The following MYB variants were observed in gnomAD, a reference collection of about 807,000 sequenced individuals.
MYB encodes the protein MYB proto-oncogene, transcription factor.
A neutral mutation model predicts 92.9 loss-of-function variants in MYB; 28 were observed. That is an observed-to-expected ratio of 0.30 (90% confidence interval 0.22 to 0.41). The LOEUF (loss-of-function observed/expected upper bound fraction) is 0.41. Ranked by LOEUF, MYB falls within the 10% of genes least tolerant of loss-of-function variation. The pLI, the probability that MYB is intolerant of heterozygous loss-of-function variation, is 1.00. For missense variants in MYB, 679 were observed against 929.3 expected, an observed-to-expected ratio of 0.73 and a Z score of 3.50; for synonymous variants, 295 against 329.1, an observed-to-expected ratio of 0.90 and a Z score of 1.12.
intron 15 of MYB, among the ~76,000 whole-genome samples, chr6:135,207,960 C>A (rs1232053763): frequency 6.6e-6 from 1 of 152,042 alleles, no homozygotes; most frequent in African/African-American, 2.4e-5. Flanking sequence ...CTGCTGACCT[C>A]AAGTGATCCA....
chr6:135,192,339 C>T lies in MYB; in HGVS notation c.543C>T (p.Ile181=). Residue 181 remains isoleucine (I), a synonymous_variant, in exon 6 of 16, where the codon ATC becomes ATT. Transcript: ENST00000341911. ...TTCTGTGCAGAACTGATAATGCTAT[C>T]AAGAACCACTGGAATTCTACAATGC... ...KLLPGRTDNA[I]KNHWNSTMRR... 1 of 1,613,984 alleles carries T rather than the reference C, an allele frequency of 6.2e-7. No individual in the cohort carries two copies. The highest frequency in any genetic ancestry group is 8.5e-7 in the Non-Finnish European group (1 of 1,179,834).
intron 15 of MYB, among the ~76,000 whole-genome samples, chr6:135,210,523 T>C (rs752310908): frequency 2.0e-5 from 3 of 152,262 alleles, no homozygotes; most frequent in Non-Finnish European, 4.4e-5. Flanking sequence ...TTTAGATTGC[T>C]CCTATTTTGT....
chr6:135,212,850 A>T (rs978836573), intron 15 of MYB, among the ~76,000 whole-genome samples: 1 of 152,360 alleles, frequency 6.6e-6, no homozygotes, highest in South Asian at 2.1e-4. Flanking sequence ...ATGTTCTTCC[A>T]GCACAAAGAC....
chr6:135,186,272 CA>C (rs1476759214), intron 2 of MYB, among the ~76,000 whole-genome samples: 4 of 152,198 alleles, frequency 2.6e-5, no homozygotes, highest in Non-Finnish European at 4.4e-5. Context: ...GTTGAGTTCT[CA>C]TCCTTTTGTC....
intron 15 of MYB, among the ~76,000 whole-genome samples, chr6:135,206,770 C>G (rs1167189456): frequency 6.6e-6 from 1 of 152,132 alleles, no homozygotes; most frequent in Non-Finnish European, 1.5e-5. Flanking sequence ...GAATGTTGTT[C>G]TACATACTTG....
intron 6 of MYB, among the ~76,000 whole-genome samples, chr6:135,192,800 CT>C (rs1223542768): frequency 5.3e-5 from 8 of 152,182 alleles, no homozygotes; most frequent in Non-Finnish European, 7.3e-5. Flanking sequence ...AGAGATAGTG[CT>C]GACTAGAAAA....
In MYB at chr6:135,184,142, A is replaced by C. The variant is rs1453225253; in HGVS notation, c.24-1761A>C. 2.0e-5 allele frequency among the ~76,000 whole-genome samples: 3 copies of C among 151,968 alleles called. No individual in the cohort carries two copies. In the East Asian group the frequency reaches 5.8e-4, roughly 29 times the overall value. ...AAATGTGCTCAGTTCTGAAAATGTG[A>C]CCTCTAGATCCAGCCAAACCTGAAA... On this transcript the variant is annotated intron_variant, in intron 1 of 15. Transcript: ENST00000341911.
intron 15 of MYB, chr6:135,203,965 T>A (rs1229498232): frequency 9.6e-7 from 1 of 1,043,646 alleles, no homozygotes; most frequent in Non-Finnish European, 1.2e-6. Context: ...TAAATAAGAA[T>A]GCAAATTTTG....
intron 15 of MYB, among the ~76,000 whole-genome samples, chr6:135,213,031 G>T (rs555224283): frequency 1.9e-3 from 289 of 152,240 alleles, no homozygotes; most frequent in Middle Eastern, 3.4e-3. Flanking sequence ...ACTCTGACCA[G>T]TTTGTTTCAT....
At chr6:135,210,040 G>A (rs187993429) in intron 15 of MYB, among the ~76,000 whole-genome samples, 96 of 152,294 alleles carry the variant, frequency 6.3e-4, no homozygotes, top group Non-Finnish European at 9.4e-4. Flanking sequence ...GAGAGAGACC[G>A]AGGCAGACGC....
chr6:135,193,978 C>A, intron 7 of MYB, 60 bp downstream of exon 7: 1 of 1,303,168 alleles, frequency 7.7e-7, no homozygotes. Flanking sequence ...TTATTTCTTT[C>A]ATCTAAACAC....
At position 135,195,852 on chromosome 6, in the gene MYB, C is replaced by T. The variant is rs765315652; in HGVS notation, c.1053C>T (p.His351=). Residue 351 remains histidine (H), a synonymous_variant, in exon 9 of 16, where the codon CAC becomes CAT. Coordinates refer to ENST00000341911, the MANE Select transcript of MYB (RefSeq NM_001130173.2). ...CACCTGTTTCCTGTTTGGGAGAACA[C>T]CACTCCACTCCATCTCTGCCAGCGG... ...DSAPVSCLGE[H]HSTPSLPADP... 1.2e-6 allele frequency: 2 copies of T among 1,614,038 alleles called. No homozygotes were observed. Among genetic ancestry groups the T allele is most frequent in the African/African-American group, 1.3e-5 (1 of 74,910 alleles).
Position 135,218,768 on chromosome 6 carries a change from T to TATAC in MYB, c.*791_*794dup. The TATAC allele has an allele frequency of 4.9e-6, 1 of 203,318 alleles. No homozygotes were observed. The highest frequency in any genetic ancestry group is 1.0e-5 in the Non-Finnish European group (1 of 98,804). The allele number at this position is 203,318 out of a possible 1,614,324, so 12.6% of individuals were successfully genotyped here. ...TTCAGACTTTTTAATTTTATATATA[T>TATAC]ATACATTTTTTTTCCTTCTGCAATA... On this transcript the variant is annotated 3_prime_UTR_variant, in exon 16 of 16. Transcript: ENST00000341911.
chr6:135,189,586 T>G (rs1583269933), intron 3 of MYB, among the ~76,000 whole-genome samples: 1 of 152,198 alleles, frequency 6.6e-6, no homozygotes, highest in East Asian at 1.9e-4. Flanking sequence ...GGAGGCAGAG[T>G]GTCTAATTTT....
chr6:135,187,873 G>C lies in MYB; in HGVS notation c.181G>C (p.Asp61His). Residue 61 changes from aspartate (D) to histidine (H), a missense_variant, in exon 3 of 16, where the codon GAT (aspartate) becomes CAT (histidine). Asp to His is a moderately conservative substitution (Grantham distance 81). Around this residue, in one of 8 missense-constraint regions of MYB, gnomAD observed 88 missense variants for 145.6 expected, o/e 0.60. Coordinates refer to ENST00000341911, the MANE Select transcript of MYB (RefSeq NM_001130173.2). ...GAAGCTGGTGGAACAGAATGGAACA[G>C]ATGACTGGAAAGTTATTGCCAATTA... Reference protein sequence around the residue: ...LKKLVEQNGTDDWKVIANYLP... With the variant: ...LKKLVEQNGTHDWKVIANYLP... 1.2e-6 allele frequency: 2 copies of C among 1,610,526 alleles called. No homozygotes were observed. Among genetic ancestry groups the C allele is most frequent in the Non-Finnish European group, 1.7e-6 (2 of 1,178,032 alleles).
intron 9 of MYB, 141 bp from the exon 10 acceptor site, chr6:135,196,820 G>A (rs760593191): frequency 6.3e-7 from 1 of 1,584,160 alleles, no homozygotes; most frequent in East Asian, 2.2e-5. Context: ...TAGAGCAACT[G>A]CTCATCTTGA....
At chr6:135,188,059 A>C (rs1399684225) in intron 3 of MYB, among the ~76,000 whole-genome samples, 154 bp downstream of exon 3, 2 of 152,302 alleles carry the variant, frequency 1.3e-5, no homozygotes, top group African/African-American at 4.8e-5. Context: ...TTATATTATA[A>C]TGCATATAAT....
chr6:135,192,943 A>G (rs1776810261), intron 6 of MYB, among the ~76,000 whole-genome samples: 1 of 152,254 alleles, frequency 6.6e-6, no homozygotes, highest in Non-Finnish European at 1.5e-5. Flanking sequence ...TTTCTCTTCC[A>G]AAACGAAAAG....
intron 15 of MYB, among the ~76,000 whole-genome samples, chr6:135,214,871 C>G (rs1354051762): frequency 6.6e-6 from 1 of 152,178 alleles, no homozygotes; most frequent in Non-Finnish European, 1.5e-5. Flanking sequence ...TTATTCAGAA[C>G]TATTTCAAAT....
Sources: allele counts gnomAD v4.1 joint callset (sites outside exome capture counted in the v4.1 genomes callset), GRCh38; gene constraint gnomAD v4.1.1; regional missense constraint gnomAD v4.1.1; transcripts MANE v1.5; gene names NCBI Gene and HGNC (gene_info 2026-07-23, HGNC 2026-07-21).